Variants in ATP2C2 observed in about 807,000 individuals in gnomAD.
ATP2C2 encodes the protein calcium-transporting ATPase type 2C member 2.
Under a neutral mutation model 110.8 loss-of-function variants are expected in ATP2C2, and 171 were observed. The ratio of observed to expected loss-of-function variants is 1.54; its 90% CI spans 1.36 to 1.75. The LOEUF (loss-of-function observed/expected upper bound fraction) is 1.75, where lower values mean the gene tolerates loss of function less well. Among genes scored for constraint, ATP2C2 ranks in the 40% most tolerant of loss-of-function variants. ATP2C2 has a pLI of 0.00. For synonymous variants in ATP2C2, 804 were observed against 508.4 expected (o/e 1.58, Z -7.82); for missense variants, 1,963 against 1,235.0 (o/e 1.59, Z -8.84).
intron 1 of ATP2C2, among the ~76,000 whole-genome samples, chr16:84,379,753 G>A (rs16963540): frequency 0.13 from 20,302 of 152,200 alleles, 1,498 homozygotes; most frequent in East Asian, 0.28. Context: ...AGACAAAAGA[G>A]TGAGCAAAGC....
chr16:84,461,805 G>T lies in ATP2C2; in HGVS notation c.2573G>T (p.Arg858Leu). ...FFDLFNALTCRSQTKLIFEIG... is the reference protein window; with the variant it reads ...FFDLFNALTCLSQTKLIFEIG... ...GATCTCTTCAACGCCTTGACCTGCCGCTCTCAGGTGAGACCCGGGCTGACC... is the reference window on the plus strand; with the variant it reads ...GATCTCTTCAACGCCTTGACCTGCCTCTCTCAGGTGAGACCCGGGCTGACC... The change falls in exon 25 of 27, where the codon CGC (arginine) becomes CTC (leucine). Residue 858 changes from arginine to leucine, a missense_variant. Transcript: ENST00000262429. The T allele has an allele frequency of 6.2e-7, 1 of 1,613,808 alleles. No individual in the cohort carries two copies. The highest frequency in any genetic ancestry group is 8.5e-7 in the Non-Finnish European group (1 of 1,179,682).
intron 11 of ATP2C2, among the ~76,000 whole-genome samples, chr16:84,428,589 A>G (rs1225608767): frequency 6.6e-6 from 1 of 152,212 alleles, no homozygotes; most frequent in Non-Finnish European, 1.5e-5. Flanking sequence ...TTATGTGATG[A>G]TGTGGGCACA....
At chr16:84,424,753 A>G (rs535487837) in intron 10 of ATP2C2, among the ~76,000 whole-genome samples, 28 of 151,956 alleles carry the variant, frequency 1.8e-4, no homozygotes, top group African/African-American at 5.6e-4. Context: ...TGGTGCAAAT[A>G]CTCTCAGTGT....
At position 84,460,707 on chromosome 16, in the gene ATP2C2, T is replaced by C. The variant is rs761255438; in HGVS notation, c.2387T>C (p.Val796Ala). ...GCCTTCAGGCAGCCACCACGGAGTG[T>C]GCGGGACACCATCCTCAGCAGAGCC... ...KDAFRQPPRS[V>A]RDTILSRALI... The change falls in exon 24 of 27, where the codon GTG becomes GCG. Residue 796 changes from valine to alanine, a missense_variant. Val to Ala is a moderately conservative substitution (Grantham distance 64). Transcript: ENST00000262429. The C allele has an allele frequency of 8.1e-6, 13 of 1,614,042 alleles. No homozygotes were observed. The highest frequency in any genetic ancestry group is 1.6e-4 in the Middle Eastern group (1 of 6,084).
rs200039966 is a variant in ATP2C2, at chr16:84,405,165, C to T, written c.248C>T (p.Thr83Met). ...ACTGGGCTGTCGGAGTTCTCGGTGA[C>T]GCAGCGCCGGCTGGCCCATGGCTGG... The part of the protein sequence containing the change: ...LHTGLSEFSV[T>M]QRRLAHGWNE... Residue 83 changes from threonine (T) to methionine (M), a missense_variant, in exon 3 of 27, where the codon ACG (threonine) becomes ATG (methionine). Transcript: ENST00000262429. The T allele has an allele frequency of 2.5e-5, 40 of 1,613,626 alleles. No individual in the cohort carries two copies. The highest frequency in any genetic ancestry group is 1.1e-4 in the African/African-American group (8 of 74,740).
intron 4 of ATP2C2, among the ~76,000 whole-genome samples, chr16:84,409,750 C>T (rs1218765065): frequency 6.6e-6 from 1 of 152,132 alleles, no homozygotes; most frequent in South Asian, 2.1e-4. Context: ...TGATCCGCCT[C>T]CCTTGGTCTC....
In ATP2C2 at chr16:84,442,498, A is replaced by T; in HGVS notation, c.1312-12A>T. 1 of 1,613,500 alleles carries T rather than the reference A, an allele frequency of 6.2e-7. No individual in the cohort carries two copies. The highest frequency in any genetic ancestry group is 1.1e-5 in the South Asian group (1 of 91,060). On this transcript the variant is annotated splice_polypyrimidine_tract_variant and intron_variant, in intron 14 of 26. Coordinates refer to ENST00000262429, the MANE Select transcript of ATP2C2 (RefSeq NM_014861.4). ...AGTACTAACTACAGATGTCCGGACA[A>T]TCCCCTTTTAGGCGGGCTGTGTTGC...
rs536580066 is a variant in ATP2C2 at position 84,453,390 on chromosome 16, G to A, written c.1980+19G>A. 1 of 1,613,984 alleles carries A rather than the reference G, an allele frequency of 6.2e-7. No individual in the cohort carries two copies. The highest frequency in any genetic ancestry group is 8.5e-7 in the Non-Finnish European group (1 of 1,179,838). On this transcript the variant is annotated intron_variant, in intron 20 of 26. Transcript: ENST00000262429. ...CATCAAGGTTCGCTGGGCAAGGCAG[G>A]CACAGGCTGCGCTGCTGGGGCCGGG...
intron 1 of ATP2C2, among the ~76,000 whole-genome samples, chr16:84,383,650 C>T (rs537236223): frequency 1.4e-4 from 21 of 152,076 alleles, no homozygotes; most frequent in Non-Finnish European, 2.5e-4. Context: ...CAGTACATTT[C>T]GACACTGGCT....
Position 84,463,664 on chromosome 16 carries a change from C to G in ATP2C2, c.2773C>G (p.Leu925Val). 2 of 1,614,216 alleles carry G rather than the reference C, an allele frequency of 1.2e-6. No individual in the cohort carries two copies. The highest frequency in any genetic ancestry group is 1.1e-5 in the South Asian group (1 of 91,088). The change falls in exon 27 of 27, where the codon CTC becomes GTC. Residue 925 changes from leucine (L) to valine (V), a missense_variant. Leu to Val is a conservative substitution (Grantham distance 32). Transcript: ENST00000262429. ...CTCATCCGTCTTCATTTTGTCAGAG[C>G]TCCTCAAACTATGTGAAAAATACTG... ...LASSVFILSE[L>V]LKLCEKYCCS...
intron 7 of ATP2C2, among the ~76,000 whole-genome samples, chr16:84,420,445 G>T (rs1175627482): frequency 6.6e-6 from 1 of 150,940 alleles, no homozygotes; most frequent in Non-Finnish European, 1.5e-5. Context: ...CCGGGGTGGG[G>T]GTCATCTTTG....
chr16:84,462,468 C>A, intron 26 of ATP2C2: 1 of 215,430 alleles, frequency 4.6e-6, no homozygotes. Context: ...GGGAGGTACC[C>A]CAGCTGGGGA....
chr16:84,374,386 G>A (rs1910135046), intron 1 of ATP2C2, among the ~76,000 whole-genome samples: 1 of 152,200 alleles, frequency 6.6e-6, no homozygotes, highest in Non-Finnish European at 1.5e-5. Flanking sequence ...GCACACTGGT[G>A]TTATGTCACA....
chr16:84,379,417 C>T (rs920518931), intron 1 of ATP2C2, among the ~76,000 whole-genome samples: 4 of 152,196 alleles, frequency 2.6e-5, no homozygotes, highest in Admixed American at 6.5e-5. Context: ...CTGTCCACCG[C>T]GGTCTCCCAA....
intron 17 of ATP2C2, among the ~76,000 whole-genome samples, chr16:84,449,817 C>G (rs1040785008): frequency 6.6e-6 from 1 of 152,224 alleles, no homozygotes; most frequent in African/African-American, 2.4e-5. Context: ...CACATCACGC[C>G]TCTGCTGACG....
At chr16:84,427,608 T>C (rs143605388) in intron 11 of ATP2C2, among the ~76,000 whole-genome samples, 1 of 152,148 alleles carries the variant, frequency 6.6e-6, no homozygotes, top group Admixed American at 6.5e-5. Flanking sequence ...TCCCAGCTAC[T>C]CGGGAGGCTG....
At chr16:84,378,640 C>G (rs758060175) in intron 1 of ATP2C2, among the ~76,000 whole-genome samples, 4 of 152,244 alleles carry the variant, frequency 2.6e-5, no homozygotes, top group Non-Finnish European at 4.4e-5. Flanking sequence ...CAAGCCCTGT[C>G]TTGCTTTGAC....
In ATP2C2 at chr16:84,368,679, T is replaced by A; in HGVS notation, c.64T>A (p.Tyr22Asn). The A allele has an allele frequency of 1.3e-6, 2 of 1,556,896 alleles. No individual in the cohort carries two copies. Among genetic ancestry groups the A allele is most frequent in the Non-Finnish European group, 1.7e-6 (2 of 1,154,332 alleles). The change falls in exon 1 of 27, where the codon TAC becomes AAC. Residue 22 changes from tyrosine to asparagine, a missense_variant. Physicochemically the swap from Tyr to Asn is moderately radical, Grantham distance 143 (BLOSUM62 -2). Coordinates refer to ENST00000262429, the MANE Select transcript of ATP2C2 (RefSeq NM_014861.4). ...CGGCTTCTCGGGCGGGGGCCGCCAGTACCAGGCGCTGGAGAAGGACGAAGA... is the reference window on the plus strand; with the variant it reads ...CGGCTTCTCGGGCGGGGGCCGCCAGAACCAGGCGCTGGAGAAGGACGAAGA... ...KLGFSGGGRQ[Y>N]QALEKDEEEA... is the part of the protein sequence containing the mutation.
At chr16:84,420,308 G>C (rs1415135664) in intron 7 of ATP2C2, among the ~76,000 whole-genome samples, 1 of 152,004 alleles carries the variant, frequency 6.6e-6, no homozygotes, top group Non-Finnish European at 1.5e-5. Context: ...AGGAGTCTCT[G>C]GCCTATCGGA....
Sources: gnomAD v4.1 joint callset for allele counts (sites outside exome capture counted in the v4.1 genomes callset) on GRCh38, gnomAD v4.1.1 for gene constraint, MANE v1.5 for transcripts, NCBI Gene and HGNC (gene_info 2026-07-23, HGNC 2026-07-21) for gene names.